Variants in PRKG2 observed in about 807,000 individuals in gnomAD.
PRKG2 encodes the protein cGMP-dependent protein kinase 2.
PRKG2 carries 33 observed loss-of-function variants against 97.2 expected under a neutral mutation model. That is an observed-to-expected ratio of 0.34 (90% CI 0.26 to 0.45). The LOEUF (loss-of-function observed/expected upper bound fraction) is 0.45, where lower values mean the gene tolerates loss of function less well. Ranked by LOEUF, PRKG2 falls within the 20% of genes least tolerant of loss-of-function variation. The pLI, the probability that PRKG2 is intolerant of heterozygous loss-of-function variation, is 1.00. For synonymous variants in PRKG2, 330 were observed against 321.8 expected, an observed-to-expected ratio of 1.03 and a Z score of -0.27; for missense variants, 638 against 900.0, an observed-to-expected ratio of 0.71 and a Z score of 3.73.
chr4:81,120,426 C>G (rs1744965274), intron 14 of PRKG2, among the ~76,000 whole-genome samples: 1 of 152,146 alleles, frequency 6.6e-6, no homozygotes, highest in African/African-American at 2.4e-5. Flanking sequence ...CTGAGTCTTT[C>G]AATCGATGAA....
chr4:81,142,869 A>G lies in PRKG2; in HGVS notation c.1332T>C (p.Phe444=), dbSNP rs1030101666. 7 of 1,613,314 alleles carry G rather than the reference A, an allele frequency of 4.3e-6. No homozygotes were observed. In the Admixed American group the frequency reaches 6.7e-5, roughly 15 times the overall value. ...MIQLKEKVAR[F]SSSSPFQNLE... is the part of the protein sequence containing the mutation. ...GGTTCTGGAATGGGGATGATGAGGA[A>G]AATCTGGCCACCTTCTCCTTCAGCT... The change falls in exon 11 of 19, where the codon TTT becomes TTC. Residue 444 remains phenylalanine (F), a synonymous_variant. Transcript: ENST00000264399.
chr4:81,180,053 A>G (rs1751274312), intron 2 of PRKG2, among the ~76,000 whole-genome samples: 1 of 152,134 alleles, frequency 6.6e-6, no homozygotes, highest in South Asian at 2.1e-4. Context: ...GAATTGCTTG[A>G]ACCCGGGAGT....
intron 14 of PRKG2, among the ~76,000 whole-genome samples, chr4:81,120,697 T>C (rs1744993300): frequency 6.6e-6 from 1 of 152,080 alleles, no homozygotes; most frequent in African/African-American, 2.4e-5. Context: ...TTTGTTGTTG[T>C]TGTTGATTCT....
At chr4:81,135,447 A>G in intron 13 of PRKG2, 151 bp from the exon 14 acceptor site, 1 of 702,716 alleles carries the variant, frequency 1.4e-6, no homozygotes, top group Non-Finnish European at 2.1e-6. Flanking sequence ...CTACCCATGA[A>G]TTAAGCTGTT....
Position 81,122,680 on chromosome 4 carries a change from A to G in PRKG2, c.1777-12069T>C, listed in dbSNP as rs76436672. 6.5e-3 allele frequency among the ~76,000 whole-genome samples: 989 copies of G among 152,086 alleles called. 7 individuals are homozygous for G. Among genetic ancestry groups the G allele is most frequent in the Non-Finnish European group, 0.011 (778 of 67,988 alleles). On this transcript the variant is annotated intron_variant, in intron 14 of 18. Coordinates refer to ENST00000264399, the MANE Select transcript of PRKG2 (RefSeq NM_006259.3). ...CAAACAGACCAGCAAACTTTCCCTT[A>G]CTTGCCTCCCTTAGGTATCTGACCC...
chr4:81,178,935 G>A (rs1251541656), intron 2 of PRKG2, among the ~76,000 whole-genome samples: 1 of 151,886 alleles, frequency 6.6e-6, no homozygotes, highest in Non-Finnish European at 1.5e-5. Flanking sequence ...GACCATCCTG[G>A]CCAATATGGT....
chr4:81,158,510 T>C (rs1749312699), intron 6 of PRKG2, among the ~76,000 whole-genome samples: 1 of 150,128 alleles, frequency 6.7e-6, no homozygotes, highest in African/African-American at 2.5e-5. Context: ...ATCGTGAAAA[T>C]GGCCATACTG....
intron 9 of PRKG2, 114 bp downstream of exon 9, chr4:81,148,770 C>A (rs1156274855): frequency 2.2e-6 from 2 of 889,626 alleles, no homozygotes; most frequent in Non-Finnish European, 3.7e-6. Flanking sequence ...CAGCTGAGAT[C>A]GGCCAGTATT....
intron 4 of PRKG2, among the ~76,000 whole-genome samples, chr4:81,171,328 G>T (rs1750456966): frequency 6.6e-6 from 1 of 152,018 alleles, no homozygotes; most frequent in African/African-American, 2.4e-5. Flanking sequence ...CTATGTCCCT[G>T]CAAAGGACAT....
intron 15 of PRKG2, among the ~76,000 whole-genome samples, chr4:81,106,315 A>C (rs1743333723): frequency 6.6e-6 from 1 of 152,180 alleles, no homozygotes; most frequent in Admixed American, 6.5e-5. Context: ...CCGCACCACT[A>C]CCTATGGCAG....
At chr4:81,112,704 T>G (rs1166449651) in intron 14 of PRKG2, among the ~76,000 whole-genome samples, 1 of 152,230 alleles carries the variant, frequency 6.6e-6, no homozygotes. Context: ...ATATCAACTT[T>G]GGTCTAATCC....
intron 6 of PRKG2, among the ~76,000 whole-genome samples, chr4:81,157,774 T>C (rs945595590): frequency 6.6e-6 from 1 of 151,594 alleles, no homozygotes; most frequent in Non-Finnish European, 1.5e-5. Context: ...GCTGGTTCAA[T>C]ATACACAAAT....
At chr4:81,177,924 G>A (rs1009340030) in intron 2 of PRKG2, among the ~76,000 whole-genome samples, 1 of 151,808 alleles carries the variant, frequency 6.6e-6, no homozygotes, top group Non-Finnish European at 1.5e-5. Context: ...CAAGGCAGTT[G>A]CTGCTTTTCA....
At position 81,140,517 on chromosome 4, in the gene PRKG2, C is replaced by A. The variant is rs780419751; in HGVS notation, c.1544+16G>T. The stretch of plus-strand genomic sequence containing the variant: ...CCTGAAAATCCTAACTCCTTGGAAG[C>A]CAAGTGGTCACTTACTTCACAATGA... On this transcript the variant is annotated intron_variant, in intron 12 of 18. Transcript: ENST00000264399. The A allele has an allele frequency of 5.8e-6, 9 of 1,556,212 alleles. No individual in the cohort carries two copies. Among genetic ancestry groups the A allele is most frequent in the African/African-American group, 1.3e-5 (1 of 74,438 alleles).
At chr4:81,183,191 A>G (rs1311148752) in intron 2 of PRKG2, among the ~76,000 whole-genome samples, 6 of 152,186 alleles carry the variant, frequency 3.9e-5, no homozygotes, top group African/African-American at 1.4e-4. Context: ...ACTTTTGGGG[A>G]GTGGCTGGCA....
intron 11 of PRKG2, among the ~76,000 whole-genome samples, chr4:81,141,842 CA>C (rs1747321990): frequency 6.6e-6 from 1 of 152,174 alleles, no homozygotes; most frequent in African/African-American, 2.4e-5. Flanking sequence ...ACATTACACA[CA>C]TTATTTATCC....
intron 2 of PRKG2, among the ~76,000 whole-genome samples, chr4:81,196,661 A>G (rs1382846740): frequency 6.6e-6 from 1 of 152,106 alleles, no homozygotes; most frequent in African/African-American, 2.4e-5. Context: ...TAACCCAAGA[A>G]GGATTAAACA....
At position 81,089,571 on chromosome 4, in the gene PRKG2, C is replaced by T; in HGVS notation, c.*137G>A. 1 of 621,038 alleles carries T rather than the reference C, an allele frequency of 1.6e-6. No homozygotes were observed. The highest frequency in any genetic ancestry group is 2.8e-6 in the Non-Finnish European group (1 of 361,380). The allele number at this position is 621,038 out of a possible 1,614,324, so 38.5% of individuals were successfully genotyped here. A position where few individuals can be genotyped will look rare whatever the true frequency, so the allele number is the denominator to read the frequency against. The stretch of plus-strand genomic sequence containing the variant: ...ACCATATCCACACCATTCTCCTCTT[C>T]CCATTGTGCAGGAATTTCTTTTCCC... On this transcript the variant is annotated 3_prime_UTR_variant, in exon 19 of 19. Transcript: ENST00000264399.
At chr4:81,200,666 A>G (rs1296405819) in intron 2 of PRKG2, among the ~76,000 whole-genome samples, 2 of 152,180 alleles carry the variant, frequency 1.3e-5, no homozygotes, top group South Asian at 2.1e-4. Flanking sequence ...GGTATATTCC[A>G]TAACTCCCCA....
Sources: allele counts gnomAD v4.1 joint callset (sites outside exome capture counted in the v4.1 genomes callset), GRCh38; gene constraint gnomAD v4.1.1; transcripts MANE v1.5; gene names NCBI Gene and HGNC (gene_info 2026-07-23, HGNC 2026-07-21).